The following DEF8 variants were observed in gnomAD, a reference collection of about 807,000 sequenced individuals.
DEF8 encodes the protein differentially expressed in FDCP 8 homolog.
Under a neutral mutation model 59.1 loss-of-function variants are expected in DEF8, and 38 were observed. The observed-to-expected ratio is 0.64, with a 90% CI of 0.50 to 0.84. The LOEUF is 0.84. DEF8 is among the 40% of genes least tolerant of loss of function. The pLI is 0.00. For missense variants in DEF8, 557 were observed against 615.2 expected, an observed-to-expected ratio of 0.91 and a Z score of 1.00; for synonymous variants, 265 against 250.1, an observed-to-expected ratio of 1.06 and a Z score of -0.56.
intron 5 of DEF8, chr16:89,957,929 C>T (rs1423073278): frequency 3.4e-6 from 1 of 293,428 alleles, no homozygotes; most frequent in African/African-American, 2.2e-5. Flanking sequence ...AATGTATTTG[C>T]TTGGTGACTG....
intron 4 of DEF8, chr16:89,956,805 A>T (rs971005670): frequency 2.0e-5 from 3 of 152,172 alleles, no homozygotes; most frequent in Non-Finnish European, 4.4e-5. Context: ...CACTGCACTC[A>T]GCTTGTTTTG....
rs2031138239 is a variant in DEF8 at position 89,948,771 on chromosome 16, G to A, written c.-151G>A. ...GGATCCAGCGTAGCGGGGCGGCCGGGCGGATCCAGCGCAGCCGGGAGACAG... is the reference window on the plus strand; with the variant it reads ...GGATCCAGCGTAGCGGGGCGGCCGGACGGATCCAGCGCAGCCGGGAGACAG... On this transcript the variant is annotated 5_prime_UTR_variant, in exon 1 of 13. Coordinates refer to ENST00000563594, the MANE Select transcript of DEF8 (RefSeq NM_001242818.2). 1.0e-6 allele frequency: 1 copy of A among 984,716 alleles called. No individual in the cohort carries two copies. The highest frequency in any genetic ancestry group is 1.2e-6 in the Non-Finnish European group (1 of 829,620). 61.0% of individuals were successfully genotyped at this position (984,716 alleles called of 1,614,324 possible).
chr16:89,963,387 A>G lies in DEF8; in HGVS notation c.946A>G (p.Met316Val), dbSNP rs1208720039. The G allele has an allele frequency of 1.2e-6, 2 of 1,613,768 alleles. No individual in the cohort carries two copies. The highest frequency in any genetic ancestry group is 1.3e-5 in the African/African-American group (1 of 75,014). ...GAAGCTGCGCCAGGACATCCTGCTC[A>G]TGAAGCCGTACTTCATCACCTGCAG... ...IRKLRQDILLMKPYFITCREA... is the reference protein window; with the variant it reads ...IRKLRQDILLVKPYFITCREA... Residue 316 changes from methionine to valine, a missense_variant, in exon 10 of 13, where the codon ATG becomes GTG. Coordinates refer to ENST00000563594, the MANE Select transcript of DEF8 (RefSeq NM_001242818.2).
At chr16:89,950,376 C>G (rs557349206) in intron 2 of DEF8, 1 of 962,064 alleles carries the variant, frequency 1.0e-6, no homozygotes, top group Non-Finnish European at 1.2e-6. Context: ...GAACCAGAGT[C>G]TAAATCAGGG....
intron 12 of DEF8, among the ~76,000 whole-genome samples, 176 bp from the exon 13 acceptor site, chr16:89,965,685 C>T (rs988770135): frequency 2.0e-5 from 3 of 152,144 alleles, no homozygotes; most frequent in Non-Finnish European, 2.9e-5. Context: ...TCCACATCTG[C>T]ACGCCCGTAA....
chr16:89,966,051 T>C lies in DEF8; in HGVS notation c.*88T>C. 2 of 1,064,296 alleles carry C rather than the reference T, an allele frequency of 1.9e-6. No homozygotes were observed. The highest frequency in any genetic ancestry group is 1.4e-5 in the South Asian group (1 of 69,882). The allele number at this position is 1,064,296 out of a possible 1,614,324, so 65.9% of individuals were successfully genotyped here. A position where few individuals can be genotyped will look rare whatever the true frequency, so the allele number is the denominator to read the frequency against. The stretch of plus-strand genomic sequence containing the variant: ...TTGTTCCTTCTGCTCCGGAGACCCC[T>C]GGGGTGCGGCCCTGGCCCCCTCCAC... On this transcript the variant is annotated 3_prime_UTR_variant, in exon 13 of 13. Coordinates refer to ENST00000563594, the MANE Select transcript of DEF8 (RefSeq NM_001242818.2).
rs779321917 is a variant in DEF8, at chr16:89,949,428, C to T, written c.-96C>T. 4.5e-5 allele frequency: 73 copies of T among 1,606,766 alleles called. No homozygotes were observed. Among genetic ancestry groups the T allele is most frequent in the Non-Finnish European group, 5.6e-5 (66 of 1,178,390 alleles). Reference sequence around the variant, plus strand: ...GCTTCTCCCTGCAGCAGGTGCCGAACCCACGGCCAGGCTTCCGTGGCCAGC... The same window carrying T: ...GCTTCTCCCTGCAGCAGGTGCCGAATCCACGGCCAGGCTTCCGTGGCCAGC... On this transcript the variant is annotated 5_prime_UTR_variant, in exon 2 of 13. Coordinates refer to ENST00000563594, the MANE Select transcript of DEF8 (RefSeq NM_001242818.2).
At chr16:89,955,298 C>T (rs767692781) in intron 4 of DEF8, 32 bp downstream of exon 4, 1 of 1,581,332 alleles carries the variant, frequency 6.3e-7, no homozygotes. Context: ...GGGAGAGGGA[C>T]TGAGGGAACC....
Position 89,966,040 on chromosome 16 carries a change from C to G in DEF8, c.*77C>G, listed in dbSNP as rs1279375413. Reference sequence around the variant, plus strand: ...CCAACATCAAGTTGTTCCTTCTGCTCCGGAGACCCCTGGGGTGCGGCCCTG... The same window carrying G: ...CCAACATCAAGTTGTTCCTTCTGCTGCGGAGACCCCTGGGGTGCGGCCCTG... On this transcript the variant is annotated 3_prime_UTR_variant, in exon 13 of 13. Coordinates refer to ENST00000563594, the MANE Select transcript of DEF8 (RefSeq NM_001242818.2). 3 of 1,199,000 alleles carry G rather than the reference C, an allele frequency of 2.5e-6. No individual in the cohort carries two copies. Among genetic ancestry groups the G allele is most frequent in the Non-Finnish European group, 3.6e-6 (3 of 834,448 alleles). The allele number at this position is 1,199,000 out of a possible 1,614,324, so 74.3% of individuals were successfully genotyped here. A position where few individuals can be genotyped will look rare whatever the true frequency, so the allele number is the denominator to read the frequency against.
chr16:89,953,489 CGGCCTG>C (rs2032569733), intron 2 of DEF8, among the ~76,000 whole-genome samples: 2 of 152,232 alleles, frequency 1.3e-5, no homozygotes, highest in Non-Finnish European at 2.9e-5. Context: ...TAGGCCCTTC[CGGCCTG>C]TTTCCTGGGT....
rs1398279269 is a variant in DEF8 at position 89,954,398 on chromosome 16, G to C, written c.124+22G>C. 6.2e-7 allele frequency: 1 copy of C among 1,610,906 alleles called. No homozygotes were observed. The highest frequency in any genetic ancestry group is 1.3e-5 in the African/African-American group (1 of 74,876). ...GAAGGTGGGTGCTGGTGGGAGTCAG[G>C]GTGGGAGCTGGGCAGGTCTCTGACT... On this transcript the variant is annotated intron_variant, in intron 3 of 12. Coordinates refer to ENST00000563594, the MANE Select transcript of DEF8 (RefSeq NM_001242818.2). This position sits in a 1 kb window ranked among gnomAD's most constrained non-coding sequence, Gnocchi z 4.3.
chr16:89,954,511 T>C lies in DEF8; in HGVS notation c.124+135T>C. The C allele has an allele frequency of 1.1e-6, 1 of 942,242 alleles. No homozygotes were observed. The highest frequency in any genetic ancestry group is 1.6e-6 in the Non-Finnish European group (1 of 640,054). 58.4% of individuals were successfully genotyped at this position (942,242 alleles called of 1,614,324 possible). A position where few individuals can be genotyped will look rare whatever the true frequency, so the allele number is the denominator to read the frequency against. ...CCGGCACCTGCTGGCTGTGTTCTTT[T>C]TCCCATCTCTTCTGTGGTCGTGTGG... On this transcript the variant is annotated intron_variant, in intron 3 of 12. Coordinates refer to ENST00000563594, the MANE Select transcript of DEF8 (RefSeq NM_001242818.2). This position sits in a 1 kb window ranked among gnomAD's most constrained non-coding sequence, Gnocchi z 4.3.
chr16:89,955,552 T>A (rs1399574209), intron 4 of DEF8, among the ~76,000 whole-genome samples: 1 of 152,196 alleles, frequency 6.6e-6, no homozygotes, highest in Non-Finnish European at 1.5e-5. Flanking sequence ...TTCTGTCCCC[T>A]GAGCTCCATG....
Position 89,949,461 on chromosome 16 carries a change from G to C in DEF8, c.-63G>C. On this transcript the variant is annotated 5_prime_UTR_variant, in exon 2 of 13. The change abolishes the stop of an existing upstream ORF in the 5' untranslated region. Transcript: ENST00000563594. ...CAGGCTTCCGTGGCCAGCAGCCCTA[G>C]AGGAATGGCCATCCTGTCCCTGCGA... The C allele has an allele frequency of 3.1e-6, 5 of 1,611,866 alleles. No individual in the cohort carries two copies. Among genetic ancestry groups the C allele is most frequent in the Non-Finnish European group, 4.2e-6 (5 of 1,179,804 alleles).
chr16:89,960,609 G>A (rs559097536), intron 6 of DEF8, among the ~76,000 whole-genome samples: 2 of 148,778 alleles, frequency 1.3e-5, no homozygotes, highest in African/African-American at 4.9e-5. Flanking sequence ...CCGAGATGGG[G>A]AAGCTGAGGG....
rs1597505104 is a variant in DEF8, at chr16:89,959,991, A to G, written c.514+836A>G. 2.7e-5 allele frequency among the ~76,000 whole-genome samples: 4 copies of G among 150,752 alleles called. No homozygotes were observed. The East Asian group carries it at 7.8e-4, about 29-fold the overall frequency. On this transcript the variant is annotated intron_variant, in intron 6 of 12. Transcript: ENST00000563594. ...GTGGGGACAGTGCTGTGGTTGATAT[A>G]AGGAGGAGCAGAGAGCCAGGTGTGG...
Position 89,965,858 on chromosome 16 carries a change from C to CA in DEF8, c.1254-2dup. 2 of 1,610,662 alleles carry CA rather than the reference C, an allele frequency of 1.2e-6. No homozygotes were observed. Among genetic ancestry groups the CA allele is most frequent in the Non-Finnish European group, 1.7e-6 (2 of 1,177,398 alleles). ...GAGAGCCCCGACCTCTTTCTGCCCC[C>CA]AGGGACTGCTACTACGACAACTCCA... On this transcript the variant is annotated splice_region_variant and splice_polypyrimidine_tract_variant and intron_variant, in intron 12 of 12. Transcript: ENST00000563594.
intron 2 of DEF8, chr16:89,950,328 A>AGTAG (rs2031777561): frequency 1.0e-6 from 1 of 985,318 alleles, no homozygotes; most frequent in South Asian, 4.7e-5. Flanking sequence ...CACCCCAGAA[A>AGTAG]GTAGGTGTTC....
At chr16:89,950,989 GTAA>G (rs1321296294) in intron 2 of DEF8, among the ~76,000 whole-genome samples, 10 of 152,136 alleles carry the variant, frequency 6.6e-5, no homozygotes, top group Non-Finnish European at 1.2e-4. Context: ...TCAAAAAAAA[GTAA>G]TAATGATAAA....
Sources: gnomAD v4.1 joint callset for allele counts (sites outside exome capture counted in the v4.1 genomes callset) on GRCh38, gnomAD v4.1.1 for gene constraint, Gnocchi (gnomAD v3.1) non-coding constraint, MANE v1.5 for transcripts, NCBI Gene and HGNC (gene_info 2026-07-23, HGNC 2026-07-21) for gene names.